Variants in SNX6 observed in about 807,000 individuals in gnomAD.
SNX6 encodes the protein sorting nexin 6, also known as sorting nexin-6.
A neutral mutation model predicts 63.0 loss-of-function variants in SNX6; 34 were observed. That is an observed-to-expected ratio of 0.54 (90% confidence interval 0.41 to 0.72). The LOEUF is 0.72. Ranked by LOEUF, SNX6 falls within the 30% of genes least tolerant of loss-of-function variation. SNX6 has a pLI of 0.00. For missense variants in SNX6, 398 were observed against 471.4 expected (o/e 0.84, Z 1.44); for synonymous variants, 170 against 164.2 (o/e 1.04, Z -0.27).
At chr14:34,617,727 C>A (rs1236901482) in intron 2 of SNX6, among the ~76,000 whole-genome samples, 1 of 151,788 alleles carries the variant, frequency 6.6e-6, no homozygotes, top group Non-Finnish European at 1.5e-5. Flanking sequence ...CAAGACCATC[C>A]TGGCTAACAC....
chr14:34,612,287 C>G (rs1212001855), intron 2 of SNX6, among the ~76,000 whole-genome samples: 1 of 151,968 alleles, frequency 6.6e-6, no homozygotes, highest in Non-Finnish European at 1.5e-5. Context: ...CAATGGCTCC[C>G]CAGGAGGTAT....
intron 2 of SNX6, among the ~76,000 whole-genome samples, chr14:34,613,530 C>T (rs774117366): frequency 6.6e-5 from 10 of 152,080 alleles, no homozygotes; most frequent in Non-Finnish European, 1.2e-4. Context: ...TGGTGGTTTA[C>T]GCCTGTAATC....
chr14:34,569,066 G>A (rs1881324193), intron 11 of SNX6: 3 of 1,213,162 alleles, frequency 2.5e-6, no homozygotes, highest in Non-Finnish European at 2.4e-6. Context: ...GACTTTCTGA[G>A]GAAGGCTGCC....
intron 2 of SNX6, among the ~76,000 whole-genome samples, chr14:34,624,797 A>G (rs1027025714): frequency 2.0e-5 from 3 of 148,160 alleles, no homozygotes; most frequent in African/African-American, 4.9e-5. Context: ...TCCGTCTAGG[A>G]AAAAAAAAAA....
intron 2 of SNX6, among the ~76,000 whole-genome samples, chr14:34,621,932 T>G (rs2138384672): frequency 6.6e-6 from 1 of 150,858 alleles, no homozygotes; most frequent in East Asian, 1.9e-4. Context: ...CAATGTTTTT[T>G]CACCTGGGCA....
Position 34,568,961 on chromosome 14 carries a change from G to C in SNX6, c.922-948C>G, listed in dbSNP as rs764308960. The C allele has an allele frequency of 4.3e-6, 6 of 1,388,044 alleles. No homozygotes were observed. The African/African-American group carries it at 7.1e-5, about 16-fold the overall frequency. 86.0% of individuals were successfully genotyped at this position (1,388,044 alleles called of 1,614,324 possible). Reference sequence around the variant, plus strand: ...AGGTGCCACGCTGTGGAAGCAGCTCGCGTGTACAACCAGTTCTCATCGTAG... The same window carrying C: ...AGGTGCCACGCTGTGGAAGCAGCTCCCGTGTACAACCAGTTCTCATCGTAG... On this transcript the variant is annotated intron_variant, in intron 11 of 13. Coordinates refer to ENST00000362031, the MANE Select transcript of SNX6 (RefSeq NM_152233.4).
chr14:34,629,542 A>C (rs748786985), intron 2 of SNX6: 38 of 534,366 alleles, frequency 7.1e-5, no homozygotes, highest in South Asian at 5.7e-4. Flanking sequence ...TGCCGCTGGG[A>C]AGGTCCGAGA....
In SNX6 at chr14:34,583,103, G is replaced by A. The variant is rs907836060; in HGVS notation, c.795-1503C>T. ...GGGAGGATCATGAGGTCAGGAGATCGAGACCATCCTGGGTAACATGGTGAA... is the reference window on the plus strand; with the variant it reads ...GGGAGGATCATGAGGTCAGGAGATCAAGACCATCCTGGGTAACATGGTGAA... On this transcript the variant is annotated intron_variant, in intron 9 of 13. Coordinates refer to ENST00000362031, the MANE Select transcript of SNX6 (RefSeq NM_152233.4). Among the ~76,000 whole-genome samples the A allele has an allele frequency of 4.6e-5, 7 of 152,120 alleles. No individual in the cohort carries two copies. In the South Asian group the frequency reaches 6.2e-4, roughly 14 times the overall value.
At chr14:34,591,964 C>A (rs1234954068) in intron 8 of SNX6, among the ~76,000 whole-genome samples, 1 of 152,120 alleles carries the variant, frequency 6.6e-6, no homozygotes, top group South Asian at 2.1e-4. Context: ...GAGTATGTAG[C>A]CAAAGTGCTT....
chr14:34,565,253 A>C (rs113212758), intron 13 of SNX6, among the ~76,000 whole-genome samples: 2 of 151,160 alleles, frequency 1.3e-5, no homozygotes, highest in African/African-American at 4.9e-5. Flanking sequence ...AATTTTTTGT[A>C]TTTTTAGTAG....
chr14:34,587,488 G>A (rs1424108501), intron 8 of SNX6, among the ~76,000 whole-genome samples: 2 of 120,872 alleles, frequency 1.7e-5, no homozygotes, highest in African/African-American at 6.4e-5. Context: ...AGCCAAGATC[G>A]TGCCACTGCA....
intron 9 of SNX6, among the ~76,000 whole-genome samples, chr14:34,582,032 T>C (rs901986613): frequency 6.6e-6 from 1 of 152,040 alleles, no homozygotes; most frequent in African/African-American, 2.4e-5. Context: ...TTTTACCATG[T>C]TGGCCAGGAT....
rs139105738 is a variant in SNX6 at position 34,586,584 on chromosome 14, T to C, written c.719-279A>G. Among the ~76,000 whole-genome samples, 638 of 152,220 alleles carry C rather than the reference T, an allele frequency of 4.2e-3. 5 individuals carry two copies. Among genetic ancestry groups the C allele is most frequent in the Non-Finnish European group, 6.7e-3 (457 of 68,020 alleles). On this transcript the variant is annotated intron_variant, in intron 8 of 13. Transcript: ENST00000362031. ...TCAGCCAGGTGTGGTTGCACATGCCTGTAATCCCAGCTACTCGGGAGGCTG... is the reference window on the plus strand; with the variant it reads ...TCAGCCAGGTGTGGTTGCACATGCCCGTAATCCCAGCTACTCGGGAGGCTG...
chr14:34,626,383 G>A (rs1369120617), intron 2 of SNX6, among the ~76,000 whole-genome samples: 3 of 151,678 alleles, frequency 2.0e-5, no homozygotes, highest in South Asian at 2.1e-4. Flanking sequence ...GGCCAGGCAC[G>A]GTGGCTCACG....
At chr14:34,594,184 T>G (rs1352579348) in intron 7 of SNX6, among the ~76,000 whole-genome samples, 1 of 152,188 alleles carries the variant, frequency 6.6e-6, no homozygotes, top group Non-Finnish European at 1.5e-5. Flanking sequence ...CTTGGCCTGT[T>G]ATACATTCTA....
intron 4 of SNX6, among the ~76,000 whole-genome samples, chr14:34,606,128 C>T (rs1486134743): frequency 2.0e-5 from 3 of 151,170 alleles, no homozygotes; most frequent in Non-Finnish European, 2.9e-5. Flanking sequence ...GAGCCAAAAT[C>T]GCACCGCTGC....
chr14:34,577,946 G>C (rs1335903815), intron 10 of SNX6, among the ~76,000 whole-genome samples: 1 of 152,210 alleles, frequency 6.6e-6, no homozygotes, highest in African/African-American at 2.4e-5. Flanking sequence ...GCTCACATCT[G>C]TAATCCCAGC....
chr14:34,625,434 T>C (rs1256149049), intron 2 of SNX6, among the ~76,000 whole-genome samples: 1 of 151,866 alleles, frequency 6.6e-6, no homozygotes, highest in Non-Finnish European at 1.5e-5. Context: ...TGGGTGCTGG[T>C]CAAAAAAGCA....
intron 8 of SNX6, among the ~76,000 whole-genome samples, chr14:34,588,993 G>A (rs1882285042): frequency 6.6e-6 from 1 of 151,992 alleles, no homozygotes; most frequent in African/African-American, 2.4e-5. Flanking sequence ...AATTAGCCAG[G>A]TGTGGTAGCA....
Sources: allele counts gnomAD v4.1 joint callset (sites outside exome capture counted in the v4.1 genomes callset), GRCh38; gene constraint gnomAD v4.1.1; transcripts MANE v1.5; gene names NCBI Gene and HGNC (gene_info 2026-07-23, HGNC 2026-07-21).